The following TTC28 variants were observed in gnomAD, a reference collection of about 807,000 sequenced individuals.
TTC28 encodes tetratricopeptide repeat domain 28.
Under a neutral mutation model 198.0 loss-of-function variants are expected in TTC28, and 61 were observed. The observed-to-expected ratio is 0.31, with a 90% CI of 0.25 to 0.38. The LOEUF is 0.38. Ranked by LOEUF, TTC28 falls within the 10% of genes least tolerant of loss-of-function variation. The pLI, the probability that TTC28 is intolerant of heterozygous loss-of-function variation, is 1.00. For synonymous variants in TTC28, 1,171 were observed against 1,297.8 expected, an observed-to-expected ratio of 0.90 and a Z score of 2.10; for missense variants, 2,678 against 3,164.0, an observed-to-expected ratio of 0.85 and a Z score of 3.69.
intron 2 of TTC28, among the ~76,000 whole-genome samples, chr22:28,522,708 T>G (rs2048932514): frequency 6.6e-6 from 1 of 152,014 alleles, no homozygotes; most frequent in Non-Finnish European, 1.5e-5. Flanking sequence ...AGGTATGAAG[T>G]ACCAATACAC....
intron 2 of TTC28, among the ~76,000 whole-genome samples, chr22:28,448,931 G>A (rs978610208): frequency 6.6e-6 from 1 of 152,160 alleles, no homozygotes; most frequent in Admixed American, 6.5e-5. Context: ...AGGGAGTGCT[G>A]TAGACACTGT....
intron 13 of TTC28, among the ~76,000 whole-genome samples, chr22:28,020,596 T>G (rs781308435): frequency 6.6e-6 from 1 of 152,178 alleles, no homozygotes; most frequent in Non-Finnish European, 1.5e-5. Context: ...AGGGCTCTAT[T>G]CCTGAGGCAG....
At chr22:28,585,186 ATG>A (rs2050296102) in intron 2 of TTC28, among the ~76,000 whole-genome samples, 1 of 152,174 alleles carries the variant, frequency 6.6e-6, no homozygotes, top group African/African-American at 2.4e-5. Flanking sequence ...TGGTTTCGGG[ATG>A]ATTCAAGAAC....
At chr22:28,345,925 T>C (rs2045896616) in intron 2 of TTC28, among the ~76,000 whole-genome samples, 1 of 152,332 alleles carries the variant, frequency 6.6e-6, no homozygotes, top group African/African-American at 2.4e-5. Flanking sequence ...TTTCTATAAG[T>C]AACCTGAATC....
intron 5 of TTC28, among the ~76,000 whole-genome samples, chr22:28,170,093 A>G (rs551087917): frequency 3.0e-4 from 46 of 152,210 alleles, no homozygotes; most frequent in Non-Finnish European, 6.2e-4. Flanking sequence ...GTTGTATAAC[A>G]TATGTCATTT....
chr22:28,577,208 T>C (rs1310394539), intron 2 of TTC28, among the ~76,000 whole-genome samples: 1 of 152,112 alleles, frequency 6.6e-6, no homozygotes, highest in Non-Finnish European at 1.5e-5. Flanking sequence ...TTTTAATTTC[T>C]TTCTTAATTT....
At chr22:28,619,071 T>TTTTAAGGA (rs1273439099) in intron 2 of TTC28, among the ~76,000 whole-genome samples, 1 of 152,116 alleles carries the variant, frequency 6.6e-6, no homozygotes, top group Non-Finnish European at 1.5e-5. Context: ...TCAATAGGAA[T>TTTTAAGGA]TTTAAGGATT....
chr22:28,189,950 G>C (rs1028927523), intron 5 of TTC28, among the ~76,000 whole-genome samples: 4 of 152,184 alleles, frequency 2.6e-5, no homozygotes, highest in Non-Finnish European at 4.4e-5. Context: ...AGCTTAAGTA[G>C]TTTCAAAAAG....
rs1937024067 is a variant in TTC28 at position 27,981,548 on chromosome 22, T to C, written c.*673A>G. ...ATTTTTTTTTTAAGAAAATTCAAGT[T>C]TGGTTGACAGCGGGACCCAAAAGAC... On this transcript the variant is annotated 3_prime_UTR_variant, in exon 23 of 23. Transcript: ENST00000397906. 1 of 152,044 alleles carries C rather than the reference T, an allele frequency of 6.6e-6. No individual in the cohort carries two copies. The highest frequency in any genetic ancestry group is 2.1e-4 in the South Asian group (1 of 4,818). 9.4% of individuals were successfully genotyped at this position (152,044 alleles called of 1,614,324 possible).
chr22:28,268,993 C>T (rs73168146), intron 5 of TTC28, among the ~76,000 whole-genome samples: 2 of 152,238 alleles, frequency 1.3e-5, no homozygotes, highest in Non-Finnish European at 2.9e-5. Context: ...AATAACATGC[C>T]TAATACAGGT....
At chr22:28,471,893 T>A (rs980537267) in intron 2 of TTC28, among the ~76,000 whole-genome samples, 25 of 152,240 alleles carry the variant, frequency 1.6e-4, no homozygotes, top group African/African-American at 5.8e-4. Context: ...TTTATTAGGA[T>A]ATATCTCTTA....
chr22:28,001,181 G>A (rs1937670982), intron 15 of TTC28, 193 bp downstream of exon 15: 4 of 625,542 alleles, frequency 6.4e-6, no homozygotes, highest in Non-Finnish European at 1.1e-5. Context: ...AATGGCCAGG[G>A]GTCATGAGGG....
intron 5 of TTC28, among the ~76,000 whole-genome samples, chr22:28,190,468 GT>G (rs1924628034): frequency 6.6e-6 from 1 of 152,150 alleles, no homozygotes; most frequent in Non-Finnish European, 1.5e-5. Context: ...CTCTAAATCT[GT>G]TTCCCTATAT....
chr22:28,104,123 G>C (rs1942232120), intron 8 of TTC28, among the ~76,000 whole-genome samples: 1 of 152,172 alleles, frequency 6.6e-6, no homozygotes, highest in Non-Finnish European at 1.5e-5. Context: ...CTCTTTGCTT[G>C]CTGCTTCTCT....
At chr22:28,645,775 C>T (rs984306960) in intron 1 of TTC28, among the ~76,000 whole-genome samples, 1 of 151,898 alleles carries the variant, frequency 6.6e-6, no homozygotes. Flanking sequence ...TCAAAAGACA[C>T]AGAAAGAACA....
In TTC28 at chr22:28,037,200, C is replaced by G. The variant is rs539978704; in HGVS notation, c.3933-6834G>C. On this transcript the variant is annotated intron_variant, in intron 12 of 22. Transcript: ENST00000397906. ...GCATCATCCTGATACCAAAGCCTGG[C>G]AGAGACACAACAAAAAAAGAGAATT... is the stretch of plus-strand genomic sequence containing the variant. 2.0e-5 allele frequency among the ~76,000 whole-genome samples: 3 copies of G among 152,256 alleles called. No individual in the cohort carries two copies. The South Asian group carries it at 6.2e-4, about 32-fold the overall frequency.
chr22:28,541,724 G>A (rs1447722581), intron 2 of TTC28, among the ~76,000 whole-genome samples: 1 of 151,520 alleles, frequency 6.6e-6, no homozygotes, highest in Non-Finnish European at 1.5e-5. Context: ...TATATATATA[G>A]AAGAAAGAAG....
At chr22:28,620,847 A>G (rs1210627060) in intron 2 of TTC28, among the ~76,000 whole-genome samples, 3 of 152,200 alleles carry the variant, frequency 2.0e-5, no homozygotes, top group Middle Eastern at 3.2e-3. Flanking sequence ...AGAGTCCTCC[A>G]CCATGACAAT....
At chr22:28,192,762 C>T (rs973645655) in intron 5 of TTC28, among the ~76,000 whole-genome samples, 1 of 151,946 alleles carries the variant, frequency 6.6e-6, no homozygotes, top group East Asian at 1.9e-4. Context: ...AAAGCAAGGA[C>T]AACAGCCTCC....
Sources: allele counts gnomAD v4.1 joint callset (sites outside exome capture counted in the v4.1 genomes callset), GRCh38; gene constraint gnomAD v4.1.1; transcripts MANE v1.5; gene names NCBI Gene and HGNC (gene_info 2026-07-23, HGNC 2026-07-21).